The following GTF3C6 variants were observed in gnomAD, a reference collection of about 807,000 sequenced individuals.
GTF3C6 encodes general transcription factor IIIC subunit 6.
GTF3C6 carries 11 observed loss-of-function variants against 19.2 expected under a neutral mutation model. That is an observed-to-expected ratio of 0.57 (90% CI 0.36 to 0.95). The LOEUF is 0.95. Ranked by LOEUF, GTF3C6 falls within the 40% of genes least tolerant of loss-of-function variation. The pLI is 0.01. For synonymous variants in GTF3C6, 87 were observed against 84.2 expected (o/e 1.03, Z -0.18); for missense variants, 222 against 254.7 (o/e 0.87, Z 0.87).
chr6:110,967,537 A>G lies in GTF3C6; in HGVS notation c.389A>G (p.Asp130Gly). The change falls in exon 6 of 6, where the codon GAT becomes GGT. Residue 130 changes from aspartate to glycine, a missense_variant. Transcript: ENST00000329970. ...GGGGTGGAATGGCTGCAAATAAAGG[A>G]TAATGATTTCTCCTATCGACCCAAC... Reference protein sequence around the residue: ...IGGVEWLQIKDNDFSYRPNMI... With the variant: ...IGGVEWLQIKGNDFSYRPNMI... 1.2e-6 allele frequency: 2 copies of G among 1,613,530 alleles called. No individual in the cohort carries two copies. Among genetic ancestry groups the G allele is most frequent in the South Asian group, 2.2e-5 (2 of 90,992 alleles).
chr6:110,963,428 C>T (rs527834174), intron 5 of GTF3C6, among the ~76,000 whole-genome samples: 71 of 151,114 alleles, frequency 4.7e-4, no homozygotes, highest in African/African-American at 1.6e-3. Flanking sequence ...CTCTCTTCTC[C>T]TTCTCCCTCT....
At chr6:110,959,275 G>T in intron 2 of GTF3C6, 23 bp downstream of exon 2, 5 of 1,385,680 alleles carry the variant, frequency 3.6e-6, no homozygotes, top group Non-Finnish European at 5.1e-6. Flanking sequence ...GACTTGGGGG[G>T]ATTGTTCTAG....
chr6:110,960,384 T>A, intron 2 of GTF3C6, 30 bp from the exon 3 acceptor site: 1 of 1,570,312 alleles, frequency 6.4e-7, no homozygotes, highest in East Asian at 2.2e-5. Context: ...TAATTATGTT[T>A]TTTTTTTATG....
At chr6:110,958,992 C>G in intron 1 of GTF3C6, 166 bp downstream of exon 1, 1 of 866,438 alleles carries the variant, frequency 1.2e-6, no homozygotes, top group Non-Finnish European at 1.8e-6. Flanking sequence ...GGACCTTAGC[C>G]CTAATCGTCA....
At chr6:110,963,218 CATA>C (rs1279711820) in intron 5 of GTF3C6, among the ~76,000 whole-genome samples, 4 of 152,046 alleles carry the variant, frequency 2.6e-5, no homozygotes, top group Non-Finnish European at 2.9e-5. Context: ...TGCCTGGCCT[CATA>C]ATATGTTTAA....
chr6:110,967,555 G>A lies in GTF3C6; in HGVS notation c.407G>A (p.Arg136Gln), dbSNP rs748520635. The stretch of plus-strand genomic sequence containing the variant: ...ATAAAGGATAATGATTTCTCCTATC[G>A]ACCCAACATGATTTGTAACTTTCTA... Reference protein sequence around the residue: ...LQIKDNDFSYRPNMICNFLHE... With the variant: ...LQIKDNDFSYQPNMICNFLHE... Residue 136 changes from arginine (R) to glutamine (Q), a missense_variant, in exon 6 of 6, where the codon CGA becomes CAA. Coordinates refer to ENST00000329970, the MANE Select transcript of GTF3C6 (RefSeq NM_138408.4). 15 of 1,613,666 alleles carry A rather than the reference G, an allele frequency of 9.3e-6. No homozygotes were observed. The highest frequency in any genetic ancestry group is 2.2e-5 in the East Asian group (1 of 44,852).
chr6:110,963,491 T>C (rs1771189915), intron 5 of GTF3C6, among the ~76,000 whole-genome samples: 1 of 152,150 alleles, frequency 6.6e-6, no homozygotes, highest in Admixed American at 6.6e-5. Context: ...ATAAGCATGA[T>C]GATTATGTTT....
intron 5 of GTF3C6, among the ~76,000 whole-genome samples, chr6:110,965,133 C>CT (rs57625165): frequency 0.021 from 2,708 of 126,078 alleles, 37 homozygotes; most frequent in Non-Finnish European, 0.026. Context: ...CGCACCCAAC[C>CT]TTTTTTTTTT....
At chr6:110,962,652 G>C in intron 5 of GTF3C6, 147 bp downstream of exon 5, 2 of 551,748 alleles carry the variant, frequency 3.6e-6, no homozygotes, top group South Asian at 5.1e-5. Flanking sequence ...ACCCAGGCTG[G>C]AATGCACTGG....
Position 110,958,774 on chromosome 6 carries a change from C to T in GTF3C6, c.5C>T (p.Ala2Val), listed in dbSNP as rs1472165413. 1.3e-6 allele frequency: 2 copies of T among 1,540,488 alleles called. No individual in the cohort carries two copies. The highest frequency in any genetic ancestry group is 1.8e-6 in the Non-Finnish European group (2 of 1,140,126). The change falls in exon 1 of 6, where the codon GCG (alanine) becomes GTG (valine). Residue 2 changes from alanine to valine, a missense_variant. Coordinates refer to ENST00000329970, the MANE Select transcript of GTF3C6 (RefSeq NM_138408.4). M[A>V]AAADERSPED... ...AAGGCGAGGCGCCGCGGGACCATGG[C>T]GGCGGCGGCGGACGAGCGGAGTCCA...
chr6:110,966,761 A>G (rs1412547580), intron 5 of GTF3C6, among the ~76,000 whole-genome samples: 2 of 152,236 alleles, frequency 1.3e-5, no homozygotes, highest in Non-Finnish European at 2.9e-5. Context: ...AAATAACAGA[A>G]TAAAGGAAAG....
Position 110,958,795 on chromosome 6 carries a change from G to A in GTF3C6, c.26G>A (p.Ser9Asn), listed in dbSNP as rs1447388660. The change falls in exon 1 of 6, where the codon AGT (serine) becomes AAT (asparagine). Residue 9 changes from serine (S) to asparagine (N), a missense_variant. Transcript: ENST00000329970. The part of the protein sequence containing the change: MAAAADER[S>N]PEDGEDEEEE... The stretch of plus-strand genomic sequence containing the variant: ...ATGGCGGCGGCGGCGGACGAGCGGA[G>A]TCCAGAGGACGGAGAAGACGAGGAA... 12 of 1,551,098 alleles carry A rather than the reference G, an allele frequency of 7.7e-6. No homozygotes were observed. Among genetic ancestry groups the A allele is most frequent in the Non-Finnish European group, 1.0e-5 (12 of 1,147,016 alleles).
At chr6:110,961,479 G>A (rs6937586) in intron 4 of GTF3C6, among the ~76,000 whole-genome samples, 37,441 of 151,862 alleles carry the variant, frequency 0.25, 5,282 homozygotes, top group East Asian at 0.65. Flanking sequence ...TACTTCATAG[G>A]CAGAGCAGCC....
At chr6:110,963,002 CTCT>C in intron 5 of GTF3C6, among the ~76,000 whole-genome samples, 1 of 152,124 alleles carries the variant, frequency 6.6e-6, no homozygotes, top group Non-Finnish European at 1.5e-5. Context: ...TGCTCTCAAT[CTCT>C]TGACGTCATG....
In GTF3C6 at chr6:110,967,622, T is replaced by G; in HGVS notation, c.474T>G (p.Asp158Glu). The G allele has an allele frequency of 6.2e-7, 1 of 1,614,152 alleles. No homozygotes were observed. Among genetic ancestry groups the G allele is most frequent in the Non-Finnish European group, 8.5e-7 (1 of 1,180,020 alleles). ...AAGAAGTGGTAGCTTCAGCCCCAGA[T>G]AAATCTTTGGAATTGGAAGAGGAAG... ...EDEEVVASAP[D>E]KSLELEEEEI... is the part of the protein sequence containing the mutation. The change falls in exon 6 of 6, where the codon GAT becomes GAG. Residue 158 changes from aspartate (D) to glutamate (E), a missense_variant. Coordinates refer to ENST00000329970, the MANE Select transcript of GTF3C6 (RefSeq NM_138408.4).
Position 110,959,197 on chromosome 6 carries a change from C to T in GTF3C6, c.83C>T (p.Ser28Leu). Reference protein sequence around the residue: ...EEEQLVLVELSGIIDSDFLSK... With the variant: ...EEEQLVLVELLGIIDSDFLSK... ...GAGCAGTTGGTTCTGGTGGAATTATCAGGAATTATTGATTCAGACTTCCTC... is the reference window on the plus strand; with the variant it reads ...GAGCAGTTGGTTCTGGTGGAATTATTAGGAATTATTGATTCAGACTTCCTC... Residue 28 changes from serine (S) to leucine (L), a missense_variant, in exon 2 of 6, where the codon TCA becomes TTA. Coordinates refer to ENST00000329970, the MANE Select transcript of GTF3C6 (RefSeq NM_138408.4). 1 of 1,612,564 alleles carries T rather than the reference C, an allele frequency of 6.2e-7. No homozygotes were observed. Among genetic ancestry groups the T allele is most frequent in the Non-Finnish European group, 8.5e-7 (1 of 1,178,698 alleles).
At chr6:110,966,044 C>T (rs1030738684) in intron 5 of GTF3C6, among the ~76,000 whole-genome samples, 1 of 152,176 alleles carries the variant, frequency 6.6e-6, no homozygotes, top group African/African-American at 2.4e-5. Flanking sequence ...GGCAGGAGGC[C>T]TCAGTTCCTT....
intron 4 of GTF3C6, 128 bp downstream of exon 4, chr6:110,960,744 T>C (rs999469845): frequency 6.1e-6 from 5 of 820,878 alleles, no homozygotes; most frequent in Non-Finnish European, 9.7e-6. Context: ...GTGACTCAGA[T>C]TATAGTTAAA....
intron 4 of GTF3C6, 56 bp from the exon 5 acceptor site, chr6:110,962,336 C>A: frequency 1.1e-6 from 1 of 923,414 alleles, no homozygotes; most frequent in Non-Finnish European, 1.7e-6. Context: ...AAGGCTTCAT[C>A]TTTGTTTTAT....
Sources: gnomAD v4.1 joint callset for allele counts (sites outside exome capture counted in the v4.1 genomes callset) on GRCh38, gnomAD v4.1.1 for gene constraint, MANE v1.5 for transcripts, NCBI Gene and HGNC (gene_info 2026-07-23, HGNC 2026-07-21) for gene names.